ARHGAP44: variants seen among roughly 807,000 people sequenced by gnomAD.
ARHGAP44 encodes Rho GTPase activating protein 44.
Under a neutral mutation model 106.8 loss-of-function variants are expected in ARHGAP44, and 43 were observed. That is an observed-to-expected ratio of 0.40 (90% CI 0.32 to 0.52). ARHGAP44 has a LOEUF of 0.52. ARHGAP44 is among the 20% of genes least tolerant of loss of function. ARHGAP44 has a pLI of 0.48. For missense variants in ARHGAP44, 866 were observed against 1,050.5 expected (o/e 0.82, Z 2.43); for synonymous variants, 439 against 410.3 (o/e 1.07, Z -0.85).
chr17:12,793,996 A>T (rs1392209561), intron 1 of ARHGAP44, among the ~76,000 whole-genome samples: 2 of 152,140 alleles, frequency 1.3e-5, no homozygotes, highest in African/African-American at 4.8e-5. Flanking sequence ...TAACGTTGTG[A>T]TGGTGGTCAG....
intron 16 of ARHGAP44, among the ~76,000 whole-genome samples, chr17:12,969,051 G>A (rs2039463063): frequency 6.6e-6 from 1 of 152,124 alleles, no homozygotes. Context: ...TTATAGGTGT[G>A]AGCCACTGCA....
At chr17:12,835,924 T>C (rs1031888957) in intron 1 of ARHGAP44, among the ~76,000 whole-genome samples, 1 of 152,236 alleles carries the variant, frequency 6.6e-6, no homozygotes, top group Non-Finnish European at 1.5e-5. Flanking sequence ...GCGTATCATT[T>C]CATTTAGCAT....
chr17:12,989,952 C>G (rs577959786), intron 20 of ARHGAP44, 80 bp from the exon 21 acceptor site: 1 of 1,559,788 alleles, frequency 6.4e-7, no homozygotes, highest in East Asian at 2.3e-5. Context: ...CCTCCTAAGG[C>G]TGACATTATT....
intron 20 of ARHGAP44, chr17:12,987,181 C>T (rs2039982329): frequency 1.3e-5 from 20 of 1,525,760 alleles, no homozygotes; most frequent in Non-Finnish European, 1.8e-5. Context: ...CGCCCCTCCA[C>T]CCCGCTAGCT....
chr17:12,955,594 T>C (rs909342561), intron 13 of ARHGAP44, among the ~76,000 whole-genome samples: 7 of 152,196 alleles, frequency 4.6e-5, no homozygotes, highest in Non-Finnish European at 2.9e-5. Flanking sequence ...GGTCATTATA[T>C]ACTGAGTCAG....
chr17:12,906,525 A>G (rs1308125399), intron 3 of ARHGAP44, among the ~76,000 whole-genome samples: 1 of 152,212 alleles, frequency 6.6e-6, no homozygotes, highest in African/African-American at 2.4e-5. Flanking sequence ...TCAGGGAAAC[A>G]CTTTAGTTGT....
intron 16 of ARHGAP44, among the ~76,000 whole-genome samples, chr17:12,971,168 C>T (rs566226910): frequency 6.6e-6 from 1 of 152,208 alleles, no homozygotes; most frequent in East Asian, 1.9e-4. Flanking sequence ...TCTCAGTTGC[C>T]GAAGTTTGCC....
Position 12,835,327 on chromosome 17 carries a change from G to T in ARHGAP44, c.53+45436G>T, listed in dbSNP as rs546648504. 3.9e-5 allele frequency among the ~76,000 whole-genome samples: 6 copies of T among 152,282 alleles called. No homozygotes were observed. The East Asian group carries it at 1.2e-3, about 29-fold the overall frequency. On this transcript the variant is annotated intron_variant, in intron 1 of 20. Coordinates refer to ENST00000379672, the MANE Select transcript of ARHGAP44 (RefSeq NM_014859.6). ...TGCACAGATGTGTGCAGATGTGTATGTAGGTACTTTTTTAGTCATGTTCAA... is the reference window on the plus strand; with the variant it reads ...TGCACAGATGTGTGCAGATGTGTATTTAGGTACTTTTTTAGTCATGTTCAA...
At chr17:12,930,959 G>A (rs982891371) in intron 7 of ARHGAP44, among the ~76,000 whole-genome samples, 1 of 152,182 alleles carries the variant, frequency 6.6e-6, no homozygotes, top group Non-Finnish European at 1.5e-5. Context: ...ATAAGGATAA[G>A]GAAGCCAGTG....
At chr17:12,896,229 G>T (rs1183387125) in intron 2 of ARHGAP44, among the ~76,000 whole-genome samples, 178 bp from the exon 3 acceptor site, 3 of 152,022 alleles carry the variant, frequency 2.0e-5, no homozygotes, top group Non-Finnish European at 4.4e-5. Context: ...TACACATTGT[G>T]CACACGTACC....
Position 12,980,245 on chromosome 17 carries a change from C to T in ARHGAP44, c.1939+12C>T, listed in dbSNP as rs777841871. The stretch of plus-strand genomic sequence containing the variant: ...CACCCTCCGGAAAGGTATGGCCCTG[C>T]TTCCCTTCTCCTTGGTCTCAGGCCG... On this transcript the variant is annotated intron_variant, in intron 19 of 20. Coordinates refer to ENST00000379672, the MANE Select transcript of ARHGAP44 (RefSeq NM_014859.6). 4 of 1,596,370 alleles carry T rather than the reference C, an allele frequency of 2.5e-6. No homozygotes were observed. The South Asian group carries it at 4.4e-5, about 18-fold the overall frequency.
At chr17:12,841,801 G>C (rs2035416305) in intron 1 of ARHGAP44, among the ~76,000 whole-genome samples, 1 of 151,974 alleles carries the variant, frequency 6.6e-6, no homozygotes, top group Non-Finnish European at 1.5e-5. Flanking sequence ...AGATTCATTT[G>C]TTTGTAGGTA....
At chr17:12,871,014 T>G (rs904052071) in intron 1 of ARHGAP44, among the ~76,000 whole-genome samples, 4 of 152,238 alleles carry the variant, frequency 2.6e-5, no homozygotes, top group African/African-American at 9.6e-5. Context: ...TTTCTCTTTT[T>G]GTTTGTTTAC....
intron 1 of ARHGAP44, among the ~76,000 whole-genome samples, chr17:12,844,132 T>C (rs949552847): frequency 1.3e-5 from 2 of 152,190 alleles, no homozygotes; most frequent in African/African-American, 4.8e-5. Context: ...AGTTTACGTG[T>C]AGATTGGGGG....
chr17:12,968,064 T>C (rs1447450224), intron 16 of ARHGAP44, among the ~76,000 whole-genome samples: 1 of 152,218 alleles, frequency 6.6e-6, no homozygotes. Context: ...ACAAAGTGTT[T>C]AGAGCAAAGC....
Position 12,990,504 on chromosome 17 carries a change from T to C in ARHGAP44, c.*333T>C, listed in dbSNP as rs928747799. 3 of 251,946 alleles carry C rather than the reference T, an allele frequency of 1.2e-5. No homozygotes were observed. Among genetic ancestry groups the C allele is most frequent in the East Asian group, 1.6e-4 (2 of 12,656 alleles). The allele number at this position is 251,946 out of a possible 1,614,324, so 15.6% of individuals were successfully genotyped here. ...CTGGTCAGGAACGTCCTTTGCAGGG[T>C]CGGGGTGGTGCGGGAGAGGCTCACT... On this transcript the variant is annotated 3_prime_UTR_variant, in exon 21 of 21. Coordinates refer to ENST00000379672, the MANE Select transcript of ARHGAP44 (RefSeq NM_014859.6).
At chr17:12,892,959 A>G (rs557509275) in intron 1 of ARHGAP44, among the ~76,000 whole-genome samples, 44 of 148,376 alleles carry the variant, frequency 3.0e-4, no homozygotes, top group African/African-American at 1.0e-3. Flanking sequence ...ATTGGAATCT[A>G]TTGTCTTTTT....
intron 1 of ARHGAP44, among the ~76,000 whole-genome samples, chr17:12,838,081 T>A (rs1281708701): frequency 1.3e-5 from 2 of 152,172 alleles, no homozygotes; most frequent in South Asian, 4.1e-4. Context: ...TTTACTATTG[T>A]TCATTTCTTC....
chr17:12,906,395 C>G (rs1337849798), intron 3 of ARHGAP44, among the ~76,000 whole-genome samples: 1 of 152,112 alleles, frequency 6.6e-6, no homozygotes, highest in Non-Finnish European at 1.5e-5. Flanking sequence ...AAGACTGCCC[C>G]TACTTAAGAT....
Sources: allele counts gnomAD v4.1 joint callset (sites outside exome capture counted in the v4.1 genomes callset), GRCh38; gene constraint gnomAD v4.1.1; transcripts MANE v1.5; gene names NCBI Gene and HGNC (gene_info 2026-07-23, HGNC 2026-07-21).